LGSN: variants seen among roughly 807,000 people sequenced by gnomAD.
LGSN encodes the protein lengsin, lens protein with glutamine synthetase domain, also known as lengsin.
A neutral mutation model predicts 19.5 loss-of-function variants in LGSN; 21 were observed. The observed-to-expected ratio is 1.07, with a 90% CI of 0.76 to 1.55. The LOEUF (loss-of-function observed/expected upper bound fraction) is 1.55, where lower values mean the gene tolerates loss of function less well. Among genes scored for constraint, LGSN ranks in the 40% most tolerant of loss-of-function variants. The pLI, the probability that LGSN is intolerant of heterozygous loss-of-function variation, is 0.00. For synonymous variants in LGSN, 257 were observed against 215.6 expected, an observed-to-expected ratio of 1.19 and a Z score of -1.68; for missense variants, 673 against 608.5, an observed-to-expected ratio of 1.11 and a Z score of -1.12.
chr6:63,529,191 GTA>G, the LGSN span, among the ~76,000 whole-genome samples: 1,922 of 141,786 alleles, frequency 0.014, 25 homozygotes, highest in African/African-American at 0.029. Context: ...ATATATGTGT[GTA>G]TATATATATA....
chr6:63,332,989 G>T, the LGSN span, among the ~76,000 whole-genome samples: 1 of 151,918 alleles, frequency 6.6e-6, no homozygotes, highest in South Asian at 2.1e-4. Flanking sequence ...GGTCTCTCTG[G>T]CTTCAGGAGT....
chr6:63,502,450 T>A, the LGSN span, among the ~76,000 whole-genome samples: 8 of 152,040 alleles, frequency 5.3e-5, no homozygotes, highest in Non-Finnish European at 1.5e-5. Context: ...TCTGTGAGAA[T>A]GAACAGGGAA....
rs1370755778 is a variant in LGSN, at chr6:63,276,768, CTGAA to C, written c.*3249_*3252del. The stretch of plus-strand genomic sequence containing the variant: ...CACAAATGGTGCTCAATAAGTGCTG[CTGAA>C]TGAATGTCTGACCCTCTTAACCCAG... On this transcript the variant is annotated 3_prime_UTR_variant, in exon 4 of 4. Transcript: ENST00000370657. The C allele has an allele frequency of 1.3e-5, 2 of 152,162 alleles. No homozygotes were observed. Among genetic ancestry groups the C allele is most frequent in the African/African-American group, 4.8e-5 (2 of 41,440 alleles). The allele number at this position is 152,162 out of a possible 1,614,324, so 9.4% of individuals were successfully genotyped here. A position where few individuals can be genotyped will look rare whatever the true frequency, so the allele number is the denominator to read the frequency against.
chr6:63,479,459 G>C, the LGSN span, among the ~76,000 whole-genome samples: 1 of 151,828 alleles, frequency 6.6e-6, no homozygotes, highest in African/African-American at 2.4e-5. Context: ...TGTACCCAAG[G>C]CTGGGCTCAG....
chr6:63,542,022 G>GGTGTGTGTGTGTGTGTGTGTGT, the LGSN span, among the ~76,000 whole-genome samples: 4 of 146,730 alleles, frequency 2.7e-5, no homozygotes, highest in African/African-American at 1.0e-4. Context: ...AAGAAACTGT[G>GGTGTGTGTGTGTGTGTGTGTGT]GTGTGTGTGT....
the LGSN span, among the ~76,000 whole-genome samples, chr6:63,387,819 T>C: frequency 6.6e-6 from 1 of 152,180 alleles, no homozygotes; most frequent in Non-Finnish European, 1.5e-5. Context: ...CCTGAGTAGC[T>C]AGATCTACAG....
the LGSN span, among the ~76,000 whole-genome samples, chr6:63,558,523 AC>A: frequency 6.6e-6 from 1 of 152,152 alleles, no homozygotes; most frequent in African/African-American, 2.4e-5. Context: ...TCTCATGATA[AC>A]AGTAAAATGA....
chr6:63,319,987 A>T, upstream of LGSN: 1 of 1,436,716 alleles, frequency 7.0e-7, no homozygotes, highest in Non-Finnish European at 9.8e-7. Flanking sequence ...CAATATCCTC[A>T]ACAAATGCAT....
chr6:63,511,960 T>C, the LGSN span, among the ~76,000 whole-genome samples: 1 of 152,088 alleles, frequency 6.6e-6, no homozygotes, highest in African/African-American at 2.4e-5. Flanking sequence ...ATTGAAAAAA[T>C]TAAAAGTGGT....
chr6:63,279,410 T>C lies in LGSN; in HGVS notation c.*611A>G, dbSNP rs1018440098. On this transcript the variant is annotated 3_prime_UTR_variant, in exon 4 of 4. Transcript: ENST00000370657. ...CTTGAGGACATTATAACCTTGAAGT[T>C]CATAAGCTTTTCAGGAGCTAGTGGA... is the stretch of plus-strand genomic sequence containing the variant. The C allele has an allele frequency of 1.3e-5, 2 of 152,278 alleles. No individual in the cohort carries two copies. Among genetic ancestry groups the C allele is most frequent in the African/African-American group, 4.8e-5 (2 of 41,460 alleles). 9.4% of individuals were successfully genotyped at this position (152,278 alleles called of 1,614,324 possible).
chr6:63,428,773 C>G, the LGSN span, among the ~76,000 whole-genome samples: 27 of 152,238 alleles, frequency 1.8e-4, no homozygotes, highest in African/African-American at 4.8e-4. Context: ...TCATTCACAT[C>G]CAAAGAAATG....
At chr6:63,327,678 T>G in the LGSN span, among the ~76,000 whole-genome samples, 1 of 152,226 alleles carries the variant, frequency 6.6e-6, no homozygotes, top group African/African-American at 2.4e-5. Context: ...CTTGGCTGGG[T>G]AGATGGACAT....
At chr6:63,302,596 A>G (rs1582039101) in intron 1 of LGSN, among the ~76,000 whole-genome samples, 1 of 152,258 alleles carries the variant, frequency 6.6e-6, no homozygotes, top group African/African-American at 2.4e-5. Context: ...ATACTTTAGC[A>G]GATTTCCATG....
At chr6:63,339,406 T>C in the LGSN span, among the ~76,000 whole-genome samples, 3 of 152,216 alleles carry the variant, frequency 2.0e-5, no homozygotes, top group Non-Finnish European at 4.4e-5. Context: ...GCTGAATTGA[T>C]CCTTTTATCA....
the LGSN span, among the ~76,000 whole-genome samples, chr6:63,430,539 C>G: frequency 6.6e-6 from 1 of 152,038 alleles, no homozygotes; most frequent in African/African-American, 2.4e-5. Flanking sequence ...CAGGCATGCA[C>G]CACCACACCT....
At chr6:63,362,737 G>C in the LGSN span, among the ~76,000 whole-genome samples, 83 of 152,204 alleles carry the variant, frequency 5.5e-4, 2 homozygotes, top group Non-Finnish European at 1.3e-4. Context: ...GTTCAAGGAG[G>C]CCTGCCTGCC....
At chr6:63,477,135 T>C in the LGSN span, among the ~76,000 whole-genome samples, 1 of 152,240 alleles carries the variant, frequency 6.6e-6, no homozygotes. Context: ...AGGAATGCCA[T>C]TTTAGAGTTA....
the LGSN span, among the ~76,000 whole-genome samples, chr6:63,458,605 GAA>G: frequency 6.6e-6 from 1 of 152,134 alleles, no homozygotes; most frequent in Non-Finnish European, 1.5e-5. Flanking sequence ...AGGACTGTGT[GAA>G]AGTTACCCAA....
At chr6:63,401,277 G>A in the LGSN span, among the ~76,000 whole-genome samples, 1 of 151,772 alleles carries the variant, frequency 6.6e-6, no homozygotes, top group African/African-American at 2.4e-5. Flanking sequence ...GCACATGCCT[G>A]TGATCCCAGC....
Sources: gnomAD v4.1 joint callset for allele counts (sites outside exome capture counted in the v4.1 genomes callset) on GRCh38, gnomAD v4.1.1 for gene constraint, MANE v1.5 for transcripts, NCBI Gene and HGNC (gene_info 2026-07-23, HGNC 2026-07-21) for gene names.